The following KALRN variants were observed in gnomAD, a reference collection of about 807,000 sequenced individuals.
KALRN encodes the protein kalirin RhoGEF kinase, also known as kalirin.
KALRN carries 70 observed loss-of-function variants against 353.7 expected under a neutral mutation model. That is an observed-to-expected ratio of 0.20 (90% CI 0.16 to 0.24). KALRN has a LOEUF of 0.24. KALRN is among the 10% of genes least tolerant of loss of function. KALRN has a pLI of 1.00. For missense variants in KALRN, 2,791 were observed against 3,756.7 expected (o/e 0.74, Z 6.72); for synonymous variants, 1,391 against 1,434.8 (o/e 0.97, Z 0.69).
intron 25 of KALRN, among the ~76,000 whole-genome samples, chr3:124,467,132 C>T (rs541994152): frequency 3.5e-4 from 53 of 152,316 alleles, no homozygotes; most frequent in Middle Eastern, 3.4e-3. Context: ...TTCCCTGCTC[C>T]GAAGGAGCAG....
intron 1 of KALRN, among the ~76,000 whole-genome samples, chr3:124,171,986 T>C (rs1488487062): frequency 6.6e-6 from 1 of 152,026 alleles, no homozygotes; most frequent in Non-Finnish European, 1.5e-5. Context: ...AATGCAGGGG[T>C]TTGGGAGGTG....
chr3:124,110,469 G>GTGCA (rs1553768423), intron 1 of KALRN, among the ~76,000 whole-genome samples: 152 of 134,050 alleles, frequency 1.1e-3, no homozygotes, highest in Non-Finnish European at 1.2e-3. Flanking sequence ...ACACACGCGC[G>GTGCA]CACACACACA....
At chr3:124,193,286 C>T (rs1267927572) in intron 1 of KALRN, among the ~76,000 whole-genome samples, 2 of 152,112 alleles carry the variant, frequency 1.3e-5, no homozygotes, top group South Asian at 2.1e-4. Context: ...GCCTCTCTCA[C>T]TCCCACATTT....
chr3:124,511,667 G>A (rs1031438753), intron 33 of KALRN, among the ~76,000 whole-genome samples: 1 of 152,196 alleles, frequency 6.6e-6, no homozygotes, highest in Admixed American at 6.5e-5. Context: ...CAGGCAGTCT[G>A]CAAACCTCTC....
At chr3:124,407,589 T>A (rs1468583236) in intron 13 of KALRN, 2 of 152,170 alleles carry the variant, frequency 1.3e-5, no homozygotes. Context: ...GGCATCTGGA[T>A]AACCAGATAA....
At chr3:124,689,864 T>C (rs2061731526) in intron 51 of KALRN, among the ~76,000 whole-genome samples, 1 of 152,196 alleles carries the variant, frequency 6.6e-6, no homozygotes, top group Admixed American at 6.5e-5. Context: ...GGTTCACAAG[T>C]CTGGTAGGGC....
At chr3:124,222,689 C>A (rs2078052273) in intron 1 of KALRN, among the ~76,000 whole-genome samples, 1 of 152,122 alleles carries the variant, frequency 6.6e-6, no homozygotes, top group Admixed American at 6.5e-5. Flanking sequence ...GCAGCCTCGA[C>A]CTCCCTGGCT....
intron 13 of KALRN, among the ~76,000 whole-genome samples, chr3:124,399,552 G>A (rs2090598733): frequency 6.6e-6 from 1 of 152,288 alleles, no homozygotes; most frequent in Admixed American, 6.5e-5. Context: ...ACAGCTTTAT[G>A]AATGGATAGA....
At chr3:124,398,390 A>G (rs975131229) in intron 12 of KALRN, among the ~76,000 whole-genome samples, 2 of 152,202 alleles carry the variant, frequency 1.3e-5, no homozygotes, top group African/African-American at 4.8e-5. Context: ...CTAATATTTT[A>G]TGCCTTGTAG....
intron 21 of KALRN, among the ~76,000 whole-genome samples, chr3:124,450,852 C>T (rs191567090): frequency 1.5e-4 from 23 of 152,116 alleles, no homozygotes; most frequent in Admixed American, 7.9e-4. Flanking sequence ...CATGAGCCAC[C>T]GCGCCTGGTC....
intron 6 of KALRN, among the ~76,000 whole-genome samples, chr3:124,318,444 A>G (rs190679185): frequency 2.8e-4 from 42 of 152,320 alleles, no homozygotes; most frequent in Admixed American, 4.6e-4. Flanking sequence ...TTACTATCCC[A>G]GTGTCCATAT....
At chr3:124,682,464 A>C (rs767336536) in intron 51 of KALRN, among the ~76,000 whole-genome samples, 2 of 152,074 alleles carry the variant, frequency 1.3e-5, no homozygotes, top group Non-Finnish European at 2.9e-5. Context: ...AGATCTCCAG[A>C]TGTTAAATCC....
At chr3:124,243,844 T>A (rs1373827034) in intron 3 of KALRN, among the ~76,000 whole-genome samples, 1 of 152,216 alleles carries the variant, frequency 6.6e-6, no homozygotes, top group Non-Finnish European at 1.5e-5. Context: ...AGCCCATTAT[T>A]TAGCTCACAG....
At chr3:124,391,383 G>T (rs118172365) in intron 11 of KALRN, among the ~76,000 whole-genome samples, 1 of 152,126 alleles carries the variant, frequency 6.6e-6, no homozygotes, top group East Asian at 1.9e-4. Context: ...GAAAAAACAC[G>T]CGTGGTTGCT....
chr3:124,619,612 G>A (rs998530832), intron 34 of KALRN, among the ~76,000 whole-genome samples: 5 of 148,006 alleles, frequency 3.4e-5, no homozygotes, highest in African/African-American at 1.2e-4. Context: ...TCAGCCTCCC[G>A]AGTAGCTGGG....
intron 27 of KALRN, among the ~76,000 whole-genome samples, chr3:124,480,600 G>A (rs921453214): frequency 6.6e-6 from 1 of 152,034 alleles, no homozygotes; most frequent in Non-Finnish European, 1.5e-5. Context: ...CAGTGTTTTT[G>A]TGTGTGCGCT....
chr3:124,148,275 C>G (rs1578619260), intron 1 of KALRN, among the ~76,000 whole-genome samples: 1 of 152,096 alleles, frequency 6.6e-6, no homozygotes, highest in Admixed American at 6.5e-5. Flanking sequence ...TTCTGAGATT[C>G]TAAGAACATG....
chr3:124,056,544 C>G lies in KALRN; in HGVS notation c.73+22731C>G, dbSNP rs527457350. On this transcript the variant is annotated intron_variant, in intron 1 of 59. Transcript: ENST00000682506. ...ATGATCACTGAGGTTCCTTTAATCT[C>G]TTGAAAGTCTATGGGGTCTCTGATA... Among the ~76,000 whole-genome samples the G allele has an allele frequency of 4.6e-5, 7 of 152,308 alleles. No homozygotes were observed. The South Asian group carries it at 1.5e-3, about 32-fold the overall frequency.
chr3:124,611,453 T>A (rs2077961905), intron 34 of KALRN, among the ~76,000 whole-genome samples: 1 of 152,186 alleles, frequency 6.6e-6, no homozygotes. Flanking sequence ...CAGATTTGAA[T>A]ATCCTGATGG....
Sources: allele counts gnomAD v4.1 joint callset (sites outside exome capture counted in the v4.1 genomes callset), GRCh38; gene constraint gnomAD v4.1.1; transcripts MANE v1.5; gene names NCBI Gene and HGNC (gene_info 2026-07-23, HGNC 2026-07-21).